Variants in RYR3 observed in about 807,000 individuals in gnomAD.
The protein encoded by RYR3 is brain ryanodine receptor-calcium release channel.
In RYR3, 207 loss-of-function variants were observed where a neutral mutation model predicts 584.3. The ratio of observed to expected loss-of-function variants is 0.35; its 90% CI spans 0.32 to 0.40. The LOEUF (loss-of-function observed/expected upper bound fraction) is 0.40. Ranked by LOEUF, RYR3 falls within the 10% of genes least tolerant of loss-of-function variation. The probability of loss-of-function intolerance (pLI) is 1.00; values close to 1 mark genes in which losing one functional copy is unlikely to be tolerated. For missense variants in RYR3, 5,616 were observed against 6,089.2 expected (o/e 0.92, Z 2.59); for synonymous variants, 2,416 against 2,248.5 (o/e 1.07, Z -2.11).
rs1049547066 is a variant in RYR3 at position 33,726,434 on chromosome 15, C to T, written c.6961C>T (p.Arg2321Cys). The change falls in exon 46 of 104, where the codon CGC (arginine) becomes TGC (cysteine). Residue 2321 changes from arginine to cysteine, a missense_variant. Arg to Cys is a radical substitution (Grantham distance 180, BLOSUM62 -3). Around this residue, in one of 9 missense-constraint regions of RYR3, gnomAD observed 1,280 missense variants for 1,426.2 expected, o/e 0.90. Transcript: ENST00000634891. ...GEAIRIRSIL[R>C]SLVPTEDLVG... ...AGCCATCCGCATCAGGTCCATCCTG[C>T]GCTCCCTGGTCCCCACAGAAGACCT... is the stretch of plus-strand genomic sequence containing the variant. The T allele has an allele frequency of 1.2e-5, 20 of 1,611,630 alleles. No homozygotes were observed. The highest frequency in any genetic ancestry group is 2.2e-5 in the South Asian group (2 of 90,338).
At chr15:33,453,357 T>G (rs10152757) in intron 1 of RYR3, among the ~76,000 whole-genome samples, 4,194 of 152,314 alleles carry the variant, frequency 0.028, 104 homozygotes, top group African/African-American at 0.061. Flanking sequence ...TTAAAAGTAC[T>G]TTAGCTGCTT....
chr15:33,314,065 G>A (rs1050982889), intron 1 of RYR3, among the ~76,000 whole-genome samples: 4 of 152,174 alleles, frequency 2.6e-5, no homozygotes, highest in African/African-American at 7.2e-5. Context: ...CCTCTCCTAA[G>A]TAGGGAACAA....
chr15:33,854,408 A>G lies in RYR3; in HGVS notation c.13819A>G (p.Lys4607Glu). Residue 4607 changes from lysine (K) to glutamate (E), a missense_variant, in exon 97 of 104, where the codon AAG becomes GAG. This residue lies in a region of RYR3 where 918 missense variants were observed against 887.4 expected (regional missense o/e 1.03). Transcript: ENST00000634891. Reference sequence around the variant, plus strand: ...CTCTAGGCTAAGTTCCATAGACATGAAGTACCATATCTGGAAGCTTGGAGT... The same window carrying G: ...CTCTAGGCTAAGTTCCATAGACATGGAGTACCATATCTGGAAGCTTGGAGT... ...LVSWLSSIDMKYHIWKLGVVF... is the reference protein window; with the variant it reads ...LVSWLSSIDMEYHIWKLGVVF... The G allele has an allele frequency of 2.5e-6, 4 of 1,575,630 alleles. No homozygotes were observed. The South Asian group carries it at 4.7e-5, about 18-fold the overall frequency.
intron 67 of RYR3, among the ~76,000 whole-genome samples, chr15:33,794,614 G>A (rs1027742153): frequency 3.3e-5 from 5 of 151,938 alleles, no homozygotes; most frequent in African/African-American, 7.3e-5. Flanking sequence ...GTACTTATGC[G>A]GTGTTTGACA....
chr15:33,803,528 AT>A (rs1291297416), intron 69 of RYR3, among the ~76,000 whole-genome samples: 2 of 151,068 alleles, frequency 1.3e-5, no homozygotes, highest in Non-Finnish European at 3.0e-5. Context: ...TTTTTTTTTA[AT>A]TTTTTGAGAT....
chr15:33,736,557 A>G (rs1318582837), intron 49 of RYR3, among the ~76,000 whole-genome samples: 1 of 152,148 alleles, frequency 6.6e-6, no homozygotes, highest in Non-Finnish European at 1.5e-5. Flanking sequence ...ACTGCTTGAT[A>G]TTTAGCTGCA....
chr15:33,636,323 G>C (rs948396809), intron 26 of RYR3, 53 bp from the exon 27 acceptor site: 9 of 1,488,692 alleles, frequency 6.0e-6, no homozygotes, highest in African/African-American at 5.6e-5. Context: ...TTCTCCAGCT[G>C]CTGGGGCCTC....
At chr15:33,341,076 T>A (rs1393776451) in intron 1 of RYR3, among the ~76,000 whole-genome samples, 1 of 152,142 alleles carries the variant, frequency 6.6e-6, no homozygotes, top group Non-Finnish European at 1.5e-5. Context: ...TCTCACTCTG[T>A]CACTCAGGGT....
intron 1 of RYR3, among the ~76,000 whole-genome samples, chr15:33,471,156 C>A (rs751233254): frequency 6.6e-6 from 1 of 152,176 alleles, no homozygotes; most frequent in Non-Finnish European, 1.5e-5. Context: ...CTATATGAAG[C>A]AAAGGCAGGT....
intron 2 of RYR3, among the ~76,000 whole-genome samples, chr15:33,485,128 G>A (rs766513549): frequency 5.9e-5 from 9 of 152,146 alleles, no homozygotes; most frequent in Non-Finnish European, 1.0e-4. Context: ...ATCAAGAGAA[G>A]AATATCAAGA....
chr15:33,385,293 T>C (rs1191228012), intron 1 of RYR3, among the ~76,000 whole-genome samples: 1 of 151,936 alleles, frequency 6.6e-6, no homozygotes, highest in Non-Finnish European at 1.5e-5. Context: ...TAATAGTACT[T>C]TTTTTTTCCC....
intron 12 of RYR3, among the ~76,000 whole-genome samples, chr15:33,574,451 T>C (rs1258195448): frequency 1.3e-5 from 2 of 152,182 alleles, no homozygotes; most frequent in African/African-American, 4.8e-5. Flanking sequence ...TTCCCCACTA[T>C]TTTTGTGTCT....
At chr15:33,656,712 G>A (rs115541627) in intron 32 of RYR3, among the ~76,000 whole-genome samples, 64 of 152,264 alleles carry the variant, frequency 4.2e-4, no homozygotes, top group African/African-American at 1.4e-3. Flanking sequence ...GTCTTAGGTC[G>A]TAGATTCTGA....
At chr15:33,594,094 G>A (rs964977260) in intron 16 of RYR3, among the ~76,000 whole-genome samples, 6 of 152,162 alleles carry the variant, frequency 3.9e-5, no homozygotes, top group Admixed American at 6.5e-5. Flanking sequence ...GCTTCTGCAC[G>A]TGTCAGAAAG....
chr15:33,389,928 A>G lies in RYR3; in HGVS notation c.51+78832A>G, dbSNP rs551911445. 1.4e-4 allele frequency among the ~76,000 whole-genome samples: 22 copies of G among 152,390 alleles called. No homozygotes were observed. In the East Asian group the frequency reaches 2.9e-3, roughly 20 times the overall value. ...GAATTACATGAGAAAATAGCATCCT[A>G]TAAATATGCTACCTTGCCACTAAGA... On this transcript the variant is annotated intron_variant, in intron 1 of 103. Transcript: ENST00000634891.
chr15:33,865,340 T>TAAA lies in RYR3; in HGVS notation c.*122_*124dup. 4.8e-6 allele frequency: 3 copies of TAAA among 622,032 alleles called. No homozygotes were observed. The highest frequency in any genetic ancestry group is 7.9e-6 in the Non-Finnish European group (3 of 380,032). 38.5% of individuals were successfully genotyped at this position (622,032 alleles called of 1,614,324 possible). A position where few individuals can be genotyped will look rare whatever the true frequency, so the allele number is the denominator to read the frequency against. On this transcript the variant is annotated 3_prime_UTR_variant, in exon 104 of 104. Transcript: ENST00000634891. The stretch of plus-strand genomic sequence containing the variant: ...TGTGACATTTTCTAAATGCCTCCCT[T>TAAA]AAAAAAAAAACTGCTGAAAATCTGT...
intron 10 of RYR3, among the ~76,000 whole-genome samples, chr15:33,554,008 G>T (rs138221655): frequency 6.6e-6 from 1 of 152,032 alleles, no homozygotes; most frequent in Non-Finnish European, 1.5e-5. Flanking sequence ...GTGCCTGAAC[G>T]CCTTTTGCCC....
chr15:33,451,829 G>T (rs375563742), intron 1 of RYR3, among the ~76,000 whole-genome samples: 3 of 152,150 alleles, frequency 2.0e-5, no homozygotes, highest in African/African-American at 7.2e-5. Context: ...CTTTGACTTC[G>T]TCATTATTAA....
At chr15:33,512,471 C>G (rs1390687804) in intron 3 of RYR3, among the ~76,000 whole-genome samples, 1 of 152,222 alleles carries the variant, frequency 6.6e-6, no homozygotes, top group Non-Finnish European at 1.5e-5. Context: ...CAGACTCTCT[C>G]AAATCCCCCC....
Sources: gnomAD v4.1 joint callset for allele counts (sites outside exome capture counted in the v4.1 genomes callset) on GRCh38, gnomAD v4.1.1 for gene constraint, gnomAD v4.1.1 regional missense constraint, MANE v1.5 for transcripts, NCBI Gene and HGNC (gene_info 2026-07-23, HGNC 2026-07-21) for gene names.